The following SNX5 variants were observed in gnomAD, a reference collection of about 807,000 sequenced individuals.
SNX5 encodes the protein sorting nexin 5.
SNX5 carries 31 observed loss-of-function variants against 53.9 expected under a neutral mutation model. The observed-to-expected ratio is 0.58, with a 90% CI of 0.43 to 0.78. The LOEUF is 0.78. SNX5 is among the 30% of genes least tolerant of loss of function. SNX5 has a pLI of 0.00. For missense variants in SNX5, 471 were observed against 478.8 expected, an observed-to-expected ratio of 0.98 and a Z score of 0.15; for synonymous variants, 168 against 171.1, an observed-to-expected ratio of 0.98 and a Z score of 0.14.
At chr20:17,956,120 A>C (rs1241026546) in intron 2 of SNX5, among the ~76,000 whole-genome samples, 2 of 151,470 alleles carry the variant, frequency 1.3e-5, no homozygotes, top group Non-Finnish European at 2.9e-5. Flanking sequence ...CCCACCCCCA[A>C]CTTATGACAA....
intron 1 of SNX5, among the ~76,000 whole-genome samples, chr20:17,958,490 C>G (rs1326948984): frequency 6.6e-6 from 1 of 152,284 alleles, no homozygotes; most frequent in Non-Finnish European, 1.5e-5. Context: ...CCAGAGGGAG[C>G]CTATTACAAT....
At chr20:17,954,418 AC>A (rs1030822313) in intron 3 of SNX5, among the ~76,000 whole-genome samples, 1 of 152,238 alleles carries the variant, frequency 6.6e-6, no homozygotes, top group African/African-American at 2.4e-5. Flanking sequence ...TAAAACTAGT[AC>A]AACGAATGCT....
chr20:17,944,474 A>C (rs1600330386), intron 11 of SNX5: 1 of 152,256 alleles, frequency 6.6e-6, no homozygotes, highest in African/African-American at 2.4e-5. Context: ...CAAAACAGTG[A>C]AAAACTGCTA....
At chr20:17,952,928 C>G (rs994387539) in intron 4 of SNX5, among the ~76,000 whole-genome samples, 7 of 152,240 alleles carry the variant, frequency 4.6e-5, no homozygotes, top group Non-Finnish European at 4.4e-5. Flanking sequence ...AATGTTGTAA[C>G]TGGATTTGAT....
At chr20:17,961,912 G>A (rs995488718) in intron 1 of SNX5, 2 of 984,774 alleles carry the variant, frequency 2.0e-6, no homozygotes, top group East Asian at 1.1e-4. Flanking sequence ...TATTTGTTAA[G>A]TGAGAATATA....
At chr20:17,960,918 G>A (rs1244519210) in intron 1 of SNX5, among the ~76,000 whole-genome samples, 1 of 152,056 alleles carries the variant, frequency 6.6e-6, no homozygotes, top group South Asian at 2.1e-4. Flanking sequence ...ACTGGATCAC[G>A]TATCCAAAGT....
In SNX5 at chr20:17,941,892, G is replaced by A. The variant is rs2039422233; in HGVS notation, c.*465C>T. Reference sequence around the variant, plus strand: ...TAGTACAAACACCAGATGACTACCAGTGGAGTAACAGGGCAAAACAAAAAC... The same window carrying A: ...TAGTACAAACACCAGATGACTACCAATGGAGTAACAGGGCAAAACAAAAAC... On this transcript the variant is annotated 3_prime_UTR_variant, in exon 13 of 13. Transcript: ENST00000377759. The A allele has an allele frequency of 6.4e-6, 1 of 156,494 alleles. No individual in the cohort carries two copies. Among genetic ancestry groups the A allele is most frequent in the African/African-American group, 2.4e-5 (1 of 41,464 alleles). The allele number at this position is 156,494 out of a possible 1,614,324, so 9.7% of individuals were successfully genotyped here.
chr20:17,948,548 A>G (rs1205310015), intron 10 of SNX5, among the ~76,000 whole-genome samples: 3 of 152,224 alleles, frequency 2.0e-5, no homozygotes, highest in African/African-American at 7.2e-5. Flanking sequence ...TCTGCTTACC[A>G]TTTTGTCCAC....
At chr20:17,954,858 G>A (rs1371254303) in intron 3 of SNX5, among the ~76,000 whole-genome samples, 1 of 152,094 alleles carries the variant, frequency 6.6e-6, no homozygotes, top group East Asian at 1.9e-4. Flanking sequence ...CTACAGGTAC[G>A]CACCACCACG....
intron 11 of SNX5, among the ~76,000 whole-genome samples, chr20:17,946,117 G>C (rs566931491): frequency 2.0e-5 from 3 of 152,314 alleles, no homozygotes; most frequent in African/African-American, 7.2e-5. Context: ...TAGAAATGGT[G>C]AAAGTCCTCT....
rs1198193940 is a variant in SNX5 at position 17,968,526 on chromosome 20, C to T, written c.-101G>A. 1.8e-6 allele frequency: 2 copies of T among 1,117,438 alleles called. No homozygotes were observed. The highest frequency in any genetic ancestry group is 2.2e-5 in the South Asian group (1 of 44,904). The allele number at this position is 1,117,438 out of a possible 1,614,324, so 69.2% of individuals were successfully genotyped here. ...GGGCGCCTCTCGGGGGCGGCCACGGCCCCGCCTCCGCCGGCCTCCCTGCCC... is the reference window on the plus strand; with the variant it reads ...GGGCGCCTCTCGGGGGCGGCCACGGTCCCGCCTCCGCCGGCCTCCCTGCCC... On this transcript the variant is annotated 5_prime_UTR_variant, in exon 1 of 13. Coordinates refer to ENST00000377759, the MANE Select transcript of SNX5 (RefSeq NM_014426.4).
At chr20:17,968,199 C>G (rs1459759038) in intron 1 of SNX5, 176 bp downstream of exon 1, 2 of 426,724 alleles carry the variant, frequency 4.7e-6, no homozygotes, top group Non-Finnish European at 8.0e-6. Flanking sequence ...CAGGGATTCC[C>G]CGGGGCAGCC....
chr20:17,945,153 T>A (rs192121612), intron 11 of SNX5: 58 of 152,394 alleles, frequency 3.8e-4, no homozygotes, highest in Admixed American at 1.0e-3. Context: ...AAGTCTATAG[T>A]GCTTGCACTA....
intron 1 of SNX5, among the ~76,000 whole-genome samples, chr20:17,963,822 T>C (rs2035495592): frequency 6.6e-6 from 1 of 152,236 alleles, no homozygotes; most frequent in African/African-American, 2.4e-5. Flanking sequence ...GCTGCCTGTT[T>C]GAACTTAACC....
At chr20:17,952,051 A>G (rs764307775) in intron 5 of SNX5, among the ~76,000 whole-genome samples, 76 of 152,252 alleles carry the variant, frequency 5.0e-4, no homozygotes, top group East Asian at 1.9e-3. Context: ...GTGAAACCCC[A>G]TCTCTACTAA....
chr20:17,962,961 A>G (rs764056936), intron 1 of SNX5: 21 of 505,440 alleles, frequency 4.2e-5, no homozygotes, highest in Middle Eastern at 3.9e-4. Context: ...CTGCAAGCCC[A>G]TGTACTAATG....
chr20:17,967,946 A>C (rs1048900712), intron 1 of SNX5: 1 of 397,528 alleles, frequency 2.5e-6, no homozygotes, highest in East Asian at 3.6e-5. Flanking sequence ...CCCCCAAAAA[A>C]GTCTTCTCAG....
At chr20:17,953,964 A>G in intron 4 of SNX5, 32 bp downstream of exon 4, 4 of 1,582,464 alleles carry the variant, frequency 2.5e-6, no homozygotes, top group Non-Finnish European at 3.5e-6. Context: ...CTACTTCTCA[A>G]AAGACAGAGC....
chr20:17,968,118 G>A (rs1568601369), intron 1 of SNX5: 1 of 399,146 alleles, frequency 2.5e-6, no homozygotes. Context: ...AAGTCCGCTC[G>A]GCACCGGCGC....
Sources: gnomAD v4.1 joint callset for allele counts (sites outside exome capture counted in the v4.1 genomes callset) on GRCh38, gnomAD v4.1.1 for gene constraint, MANE v1.5 for transcripts, NCBI Gene and HGNC (gene_info 2026-07-23, HGNC 2026-07-21) for gene names.